Variants in CDH4 observed in about 807,000 individuals in gnomAD.
CDH4 encodes cadherin 4.
A neutral mutation model predicts 86.0 loss-of-function variants in CDH4; 33 were observed. The ratio of observed to expected loss-of-function variants is 0.38; its 90% CI spans 0.29 to 0.51. The LOEUF is 0.51. CDH4 is among the 20% of genes least tolerant of loss of function. The probability of loss-of-function intolerance (pLI) is 0.86; values close to 1 mark genes in which losing one functional copy is unlikely to be tolerated. For missense variants in CDH4, 1,114 were observed against 1,307.4 expected (o/e 0.85, Z 2.28); for synonymous variants, 555 against 549.4 (o/e 1.01, Z -0.14).
chr20:61,292,488 G>T (rs1047886436), intron 2 of CDH4, among the ~76,000 whole-genome samples: 1 of 152,234 alleles, frequency 6.6e-6, no homozygotes, highest in Non-Finnish European at 1.5e-5. Context: ...AGCCCCAGGG[G>T]CACTGGGCAA....
chr20:61,374,017 T>C (rs1892327), intron 2 of CDH4, among the ~76,000 whole-genome samples: 36,872 of 151,392 alleles, frequency 0.24, 4,849 homozygotes, highest in African/African-American at 0.32. Flanking sequence ...GCACGGCGGG[T>C]GTGGAGGGTT....
intron 2 of CDH4, among the ~76,000 whole-genome samples, chr20:61,495,331 G>A (rs1568864888): frequency 6.6e-6 from 1 of 152,174 alleles, no homozygotes; most frequent in Non-Finnish European, 1.5e-5. Context: ...CTACAGCACA[G>A]CCTACGAACC....
chr20:61,770,895 A>C (rs1211671268), intron 3 of CDH4, among the ~76,000 whole-genome samples: 1 of 151,912 alleles, frequency 6.6e-6, no homozygotes, highest in Non-Finnish European at 1.5e-5. Flanking sequence ...AAAAAAAAAA[A>C]ACACAGAAAG....
chr20:61,252,398 G>A lies in CDH4; in HGVS notation c.-116G>A. 1 of 361,640 alleles carries A rather than the reference G, an allele frequency of 2.8e-6. No individual in the cohort carries two copies. The highest frequency in any genetic ancestry group is 3.8e-6 in the Non-Finnish European group (1 of 262,340). The allele number at this position is 361,640 out of a possible 1,614,324, so 22.4% of individuals were successfully genotyped here. A position where few individuals can be genotyped will look rare whatever the true frequency, so the allele number is the denominator to read the frequency against. ...GGGCTGGAGGCTCCGGGCAGGCGCGGGGGAGCGGCGGCGGCGGCGGCGATC... is the reference window on the plus strand; with the variant it reads ...GGGCTGGAGGCTCCGGGCAGGCGCGAGGGAGCGGCGGCGGCGGCGGCGATC... On this transcript the variant is annotated 5_prime_UTR_variant, in exon 1 of 16. Transcript: ENST00000614565. The surrounding 1 kb of genome is among the most constrained non-coding windows in gnomAD (Gnocchi z 4.4).
intron 4 of CDH4, among the ~76,000 whole-genome samples, chr20:61,776,586 C>T (rs892808325): frequency 6.6e-6 from 1 of 152,216 alleles, no homozygotes; most frequent in Non-Finnish European, 1.5e-5. Context: ...ATGCCCAGAA[C>T]GTCACTGCAG....
intron 2 of CDH4, among the ~76,000 whole-genome samples, chr20:61,567,590 TG>T (rs1164870898): frequency 6.6e-6 from 1 of 152,170 alleles, no homozygotes; most frequent in Non-Finnish European, 1.5e-5. Context: ...ATTCGAAATT[TG>T]GGGGCACAAA....
chr20:61,868,950 C>T (rs188448751), intron 6 of CDH4, among the ~76,000 whole-genome samples: 69 of 152,222 alleles, frequency 4.5e-4, no homozygotes, highest in African/African-American at 1.6e-3. Flanking sequence ...TGGACACACA[C>T]AAAGCCTCTA....
intron 6 of CDH4, among the ~76,000 whole-genome samples, chr20:61,871,326 A>G (rs1345521210): frequency 6.6e-6 from 1 of 152,144 alleles, no homozygotes; most frequent in East Asian, 1.9e-4. Flanking sequence ...TCCAGCTTCC[A>G]TCGTTCCTGT....
chr20:61,273,665 G>T, intron 2 of CDH4, among the ~76,000 whole-genome samples: 1 of 149,262 alleles, frequency 6.7e-6, no homozygotes, highest in Non-Finnish European at 1.5e-5. Context: ...GTGCAGTTTG[G>T]GGCAGTACTG....
chr20:61,364,529 C>A (rs1004789061), intron 2 of CDH4, among the ~76,000 whole-genome samples: 22 of 152,220 alleles, frequency 1.4e-4, no homozygotes, highest in Admixed American at 1.4e-3. Context: ...TGTCTCTGTT[C>A]CGCATCAGGA....
chr20:61,694,368 G>A (rs570748286), intron 2 of CDH4, among the ~76,000 whole-genome samples: 46 of 152,270 alleles, frequency 3.0e-4, no homozygotes, highest in African/African-American at 8.9e-4. Context: ...GCTGGACTGT[G>A]CCCCTTCCCA....
At chr20:61,770,478 G>A (rs1213979293) in intron 3 of CDH4, among the ~76,000 whole-genome samples, 1 of 152,262 alleles carries the variant, frequency 6.6e-6, no homozygotes, top group Admixed American at 6.5e-5. Context: ...GCCATGCCAT[G>A]TGGGCACCCT....
chr20:61,806,621 G>A lies in CDH4; in HGVS notation c.576+33439G>A, dbSNP rs181302636. The stretch of plus-strand genomic sequence containing the variant: ...TCGGAGCAGGTGGAGGGTGGGGGCT[G>A]TAGCAGAGGCCGGACTGGAATTGCT... On this transcript the variant is annotated intron_variant, in intron 4 of 15. Coordinates refer to ENST00000614565, the MANE Select transcript of CDH4 (RefSeq NM_001794.5). 5.9e-5 allele frequency among the ~76,000 whole-genome samples: 9 copies of A among 152,324 alleles called. No individual in the cohort carries two copies. In the East Asian group the frequency reaches 9.6e-4, roughly 16 times the overall value.
intron 2 of CDH4, among the ~76,000 whole-genome samples, chr20:61,322,132 G>A (rs79770292): frequency 0.014 from 2,098 of 152,116 alleles, 24 homozygotes; most frequent in Middle Eastern, 0.048. Flanking sequence ...TACTTGCTTC[G>A]GGGATGGTTA....
At chr20:61,743,985 G>T (rs1208033418) in intron 3 of CDH4, among the ~76,000 whole-genome samples, 196 bp downstream of exon 3, 1 of 152,214 alleles carries the variant, frequency 6.6e-6, no homozygotes, top group Non-Finnish European at 1.5e-5. Flanking sequence ...TTGCGGGAAG[G>T]CCCCCTGGGC....
chr20:61,280,793 C>A (rs1011749696), intron 2 of CDH4, among the ~76,000 whole-genome samples: 11 of 152,164 alleles, frequency 7.2e-5, no homozygotes, highest in African/African-American at 2.4e-4. Flanking sequence ...GCCACAGCGG[C>A]CTCCCTGGTG....
chr20:61,633,999 G>A (rs1370474633), intron 2 of CDH4, among the ~76,000 whole-genome samples: 6 of 152,192 alleles, frequency 3.9e-5, no homozygotes, highest in Non-Finnish European at 7.3e-5. Flanking sequence ...TTTTCAAGGC[G>A]GGTTCTGCTT....
At chr20:61,815,808 T>C (rs1043501091) in intron 4 of CDH4, among the ~76,000 whole-genome samples, 1 of 152,190 alleles carries the variant, frequency 6.6e-6, no homozygotes, top group Admixed American at 6.5e-5. Flanking sequence ...ATGCAAAATA[T>C]GCCCCAGCCA....
intron 2 of CDH4, among the ~76,000 whole-genome samples, chr20:61,695,909 T>C (rs2087710504): frequency 6.6e-6 from 1 of 151,946 alleles, no homozygotes; most frequent in African/African-American, 2.4e-5. Flanking sequence ...TCCTGTGGGG[T>C]CTCCAGGCCC....
Sources: gnomAD v4.1 joint callset for allele counts (sites outside exome capture counted in the v4.1 genomes callset) on GRCh38, gnomAD v4.1.1 for gene constraint, Gnocchi (gnomAD v3.1) non-coding constraint, MANE v1.5 for transcripts, NCBI Gene and HGNC (gene_info 2026-07-23, HGNC 2026-07-21) for gene names.